MEAK7: variants seen among roughly 807,000 people sequenced by gnomAD.
The protein encoded by MEAK7 is MTOR-associated protein MEAK7.
Under a neutral mutation model 40.5 loss-of-function variants are expected in MEAK7, and 68 were observed. The observed-to-expected ratio is 1.68, with a 90% CI of 1.38 to 2.06. The LOEUF (loss-of-function observed/expected upper bound fraction) is 2.06. Ranked by LOEUF, MEAK7 falls within the 30% of genes most tolerant of loss-of-function variation. MEAK7 has a pLI of 0.00. For synonymous variants in MEAK7, 338 were observed against 231.9 expected, an observed-to-expected ratio of 1.46 and a Z score of -4.16; for missense variants, 918 against 580.5, an observed-to-expected ratio of 1.58 and a Z score of -5.98.
chr16:84,480,868 C>T (rs928862417), intron 6 of MEAK7, among the ~76,000 whole-genome samples, 160 bp from the exon 7 acceptor site: 4 of 152,180 alleles, frequency 2.6e-5, no homozygotes, highest in African/African-American at 9.7e-5. Flanking sequence ...TGAAATATAT[C>T]AATTACTGCC....
chr16:84,504,250 C>T (rs922693805), intron 1 of MEAK7: 1 of 745,500 alleles, frequency 1.3e-6, no homozygotes, highest in Non-Finnish European at 1.6e-6. Context: ...GGAGGCACCC[C>T]TCCCTTTCCG....
intron 3 of MEAK7, among the ~76,000 whole-genome samples, chr16:84,489,954 C>G (rs759213321): frequency 2.6e-5 from 4 of 152,198 alleles, no homozygotes; most frequent in South Asian, 2.1e-4. Flanking sequence ...AGAGGGCAGT[C>G]TGCAGCCTGG....
At chr16:84,490,978 C>CTACT (rs113799543) in intron 3 of MEAK7, among the ~76,000 whole-genome samples, 3 of 151,692 alleles carry the variant, frequency 2.0e-5, no homozygotes, top group African/African-American at 7.3e-5. Context: ...AGCTCTTAAG[C>CTACT]TGCTTTTCTA....
chr16:84,499,561 C>G (rs1484535771), intron 1 of MEAK7, among the ~76,000 whole-genome samples: 2 of 152,164 alleles, frequency 1.3e-5, no homozygotes, highest in Non-Finnish European at 2.9e-5. Flanking sequence ...TTAAAGTGTA[C>G]AGTGGCATTT....
intron 1 of MEAK7, among the ~76,000 whole-genome samples, chr16:84,501,778 G>C (rs1914525817): frequency 6.6e-6 from 1 of 152,182 alleles, no homozygotes. Flanking sequence ...TACCTGCAGA[G>C]TGCTGGTGAA....
intron 7 of MEAK7, 114 bp downstream of exon 7, chr16:84,480,415 A>C: frequency 7.8e-7 from 1 of 1,277,198 alleles, no homozygotes; most frequent in Non-Finnish European, 1.1e-6. Flanking sequence ...ACCAGGATCA[A>C]ATTTGGGATA....
rs1555510819 is a variant in MEAK7, at chr16:84,477,622, T to TCA, written c.*2290_*2291insTG. 6.7e-6 allele frequency: 1 copy of TCA among 148,346 alleles called. No homozygotes were observed. Among genetic ancestry groups the TCA allele is most frequent in the Non-Finnish European group, 1.5e-5 (1 of 67,230 alleles). The allele number at this position is 148,346 out of a possible 1,614,324, so 9.2% of individuals were successfully genotyped here. ...TTCCTCCTAGCACTTTCTAGGGCCC[T>TCA]GATAAGTCTTCATTTGTAGGGAGAC... is the stretch of plus-strand genomic sequence containing the variant. On this transcript the variant is annotated 3_prime_UTR_variant, in exon 8 of 8. Coordinates refer to ENST00000343629, the MANE Select transcript of MEAK7 (RefSeq NM_020947.4).
intron 1 of MEAK7, among the ~76,000 whole-genome samples, chr16:84,498,714 T>C (rs534121753): frequency 6.6e-6 from 1 of 152,252 alleles, no homozygotes; most frequent in South Asian, 2.1e-4. Context: ...CAAGCTAATA[T>C]AATCAAAGGC....
chr16:84,504,436 C>A (rs577094944), intron 1 of MEAK7, among the ~76,000 whole-genome samples, 165 bp downstream of exon 1: 1 of 151,920 alleles, frequency 6.6e-6, no homozygotes, highest in South Asian at 2.1e-4. Context: ...CACCTCCCCG[C>A]AGCCTTCACC....
chr16:84,495,807 G>C lies in MEAK7; in HGVS notation c.260C>G (p.Ser87Cys), dbSNP rs1271284882. The C allele has an allele frequency of 1.2e-6, 2 of 1,614,040 alleles. No homozygotes were observed. The highest frequency in any genetic ancestry group is 2.2e-5 in the East Asian group (1 of 44,876). Residue 87 changes from serine to cysteine, a missense_variant, in exon 3 of 8, where the codon TCC (serine) becomes TGC (cysteine). Transcript: ENST00000343629. Reference protein sequence around the residue: ...GKAKGPSENVSQEQFTASMSH... With the variant: ...GKAKGPSENVCQEQFTASMSH... ...CATGGATGCTGTGAACTGCTCCTGG[G>C]ACACGTTCTCACTGGGTCCCTTCGC...
intron 3 of MEAK7, among the ~76,000 whole-genome samples, chr16:84,491,803 C>T (rs959180547): frequency 7.4e-5 from 11 of 149,422 alleles, no homozygotes; most frequent in African/African-American, 2.7e-4. Flanking sequence ...CGCCACTGCA[C>T]TCCAGCCTCG....
At chr16:84,485,241 A>T (rs868425062) in intron 5 of MEAK7, among the ~76,000 whole-genome samples, 1 of 152,214 alleles carries the variant, frequency 6.6e-6, no homozygotes, top group Non-Finnish European at 1.5e-5. Context: ...TGGCACCTGG[A>T]AACTTTGATT....
At chr16:84,487,201 G>C (rs1913166116) in intron 4 of MEAK7, 142 bp from the exon 5 acceptor site, 3 of 712,056 alleles carry the variant, frequency 4.2e-6, no homozygotes, top group East Asian at 5.6e-5. Flanking sequence ...GAATTGAGAG[G>C]TGCCGTCAGT....
intron 1 of MEAK7, among the ~76,000 whole-genome samples, chr16:84,501,105 G>GAAAAAAAAAAAAAAAAAAA (rs35447624): frequency 1.9e-5 from 2 of 103,638 alleles, no homozygotes; most frequent in Non-Finnish European, 3.6e-5. Flanking sequence ...AAAAAAAAAA[G>GAAAAAAAAAAAAAAAAAAA]AAAAAAAAAA....
intron 3 of MEAK7, among the ~76,000 whole-genome samples, chr16:84,493,406 G>C (rs150044336): frequency 7.8e-4 from 119 of 152,314 alleles, no homozygotes; most frequent in African/African-American, 2.7e-3. Context: ...AGGACTCATA[G>C]GGGGCTGACG....
At chr16:84,480,069 A>C (rs778955765) in intron 7 of MEAK7, 43 bp from the exon 8 acceptor site, 1 of 1,469,542 alleles carries the variant, frequency 6.8e-7, no homozygotes, top group Non-Finnish European at 9.3e-7. Context: ...ATGATGGCCC[A>C]ACAAGAGGCA....
intron 1 of MEAK7, among the ~76,000 whole-genome samples, chr16:84,498,390 T>A (rs1465598292): frequency 6.6e-6 from 1 of 151,750 alleles, no homozygotes; most frequent in Non-Finnish European, 1.5e-5. Flanking sequence ...CCACTCAGCC[T>A]CCTGAGTAGC....
At position 84,495,701 on chromosome 16, in the gene MEAK7, C is replaced by T; in HGVS notation, c.366G>A (p.Lys122=). 1.9e-6 allele frequency: 3 copies of T among 1,614,172 alleles called. No individual in the cohort carries two copies. The highest frequency in any genetic ancestry group is 2.5e-6 in the Non-Finnish European group (3 of 1,180,040). Reference sequence around the variant, plus strand: ...TCACTACCTTTTGGACTTCTCTGGCCTTCACGGGACCTTCTGTGGCAGAAA... The same window carrying T: ...TCACTACCTTTTGGACTTCTCTGGCTTTCACGGGACCTTCTGTGGCAGAAA... ...KMISATEGPV[K]AREVQKFTED... The change falls in exon 3 of 8, where the codon AAG becomes AAA. Residue 122 remains lysine (K), a synonymous_variant. Coordinates refer to ENST00000343629, the MANE Select transcript of MEAK7 (RefSeq NM_020947.4).
At position 84,482,661 on chromosome 16, in the gene MEAK7, G is replaced by A. The variant is rs1340359276; in HGVS notation, c.1008C>T (p.Tyr336=). 5.0e-6 allele frequency: 8 copies of A among 1,614,122 alleles called. No individual in the cohort carries two copies. Among genetic ancestry groups the A allele is most frequent in the Non-Finnish European group, 5.9e-6 (7 of 1,180,040 alleles). The change falls in exon 6 of 8, where the codon TAC becomes TAT. Residue 336 remains tyrosine, a synonymous_variant. Transcript: ENST00000343629. ...LFSICPSMAV[Y]THTGYNDHYM... is the part of the protein sequence containing the mutation. ...AGTGGTCGTTGTAGCCCGTGTGTGTGTACACAGCCATGCTGGGGCAGATGG... is the reference window on the plus strand; with the variant it reads ...AGTGGTCGTTGTAGCCCGTGTGTGTATACACAGCCATGCTGGGGCAGATGG...
Sources: allele counts gnomAD v4.1 joint callset (sites outside exome capture counted in the v4.1 genomes callset), GRCh38; gene constraint gnomAD v4.1.1; transcripts MANE v1.5; gene names NCBI Gene and HGNC (gene_info 2026-07-23, HGNC 2026-07-21).